The following PCCA variants were observed in gnomAD, a reference collection of about 807,000 sequenced individuals.
The protein encoded by PCCA is propionyl-CoA carboxylase alpha chain, mitochondrial.
A neutral mutation model predicts 101.3 loss-of-function variants in PCCA; 74 were observed. The observed-to-expected ratio is 0.73, with a 90% confidence interval of 0.61 to 0.89. PCCA has a LOEUF of 0.89. Ranked by LOEUF, PCCA falls within the 40% of genes least tolerant of loss-of-function variation. The pLI, the probability that PCCA is intolerant of heterozygous loss-of-function variation, is 0.00. For missense variants in PCCA, 891 were observed against 907.0 expected (o/e 0.98, Z 0.23); for synonymous variants, 294 against 313.6 (o/e 0.94, Z 0.66).
chr13:100,509,992 G>T (rs1336229949), intron 21 of PCCA, among the ~76,000 whole-genome samples: 2 of 152,158 alleles, frequency 1.3e-5, no homozygotes, highest in Non-Finnish European at 2.9e-5. Flanking sequence ...CAGATGAGGA[G>T]CTCTGACTAT....
intron 18 of PCCA, among the ~76,000 whole-genome samples, chr13:100,348,787 T>TTCCTTCCTTCCTTCCTTCCTTC (rs2072771494): frequency 1.1e-4 from 5 of 46,648 alleles, no homozygotes; most frequent in Non-Finnish European, 2.2e-4. Flanking sequence ...TTTCTTTCTT[T>TTCCTTCCTTCCTTCCTTCCTTC]CTTCCTTCCT....
chr13:100,387,035 G>A (rs2152835662), intron 19 of PCCA, among the ~76,000 whole-genome samples: 1 of 152,228 alleles, frequency 6.6e-6, no homozygotes, highest in Non-Finnish European at 1.5e-5. Context: ...GCAGTGACTT[G>A]GCCATCCGGG....
intron 2 of PCCA, among the ~76,000 whole-genome samples, chr13:100,110,509 C>T (rs1251146963): frequency 6.6e-6 from 1 of 152,168 alleles, no homozygotes. Context: ...TAGATAAACA[C>T]AGGATACACA....
Position 100,244,964 on chromosome 13 carries a change from T to TGC in PCCA, c.637+9089_637+9090dup, listed in dbSNP as rs1249563800. 2.9e-3 allele frequency among the ~76,000 whole-genome samples: 411 copies of TGC among 142,412 alleles called. 3 individuals carry two copies. Among genetic ancestry groups the TGC allele is most frequent in the African/African-American group, 9.6e-3 (378 of 39,238 alleles). The allele number at this position is 142,412 out of a possible 152,430, so 93.4% of individuals were successfully genotyped here. ...GTGTGTGTGTGTGTGTGTGTGTGTG[T>TGC]GCGCAGTAGTAGAGATGTGGATAAA... is the stretch of plus-strand genomic sequence containing the variant. On this transcript the variant is annotated intron_variant, in intron 8 of 23. Transcript: ENST00000376285.
At chr13:100,196,348 A>G (rs2058098429) in intron 6 of PCCA, among the ~76,000 whole-genome samples, 1 of 152,226 alleles carries the variant, frequency 6.6e-6, no homozygotes, top group East Asian at 1.9e-4. Context: ...AAAGTTTTCT[A>G]TTGCTGTAAT....
intron 18 of PCCA, among the ~76,000 whole-genome samples, chr13:100,341,973 A>ATATATGTATATATATATATATATATATG (rs1555426208): frequency 8.2e-6 from 1 of 121,870 alleles, no homozygotes; most frequent in Non-Finnish European, 1.7e-5. Context: ...ATATATATAT[A>ATATATGTATATATATATATATATATATG]TATATATATG....
chr13:100,392,780 G>A (rs1016956729), intron 19 of PCCA, among the ~76,000 whole-genome samples: 5 of 152,192 alleles, frequency 3.3e-5, no homozygotes, highest in Non-Finnish European at 4.4e-5. Flanking sequence ...AATCCATGTA[G>A]CGTTTTAATG....
At chr13:100,113,639 T>C (rs11840916) in intron 4 of PCCA, among the ~76,000 whole-genome samples, 68,306 of 149,870 alleles carry the variant, frequency 0.46, 16,362 homozygotes, top group East Asian at 0.7. Flanking sequence ...AGTGCAGTGG[T>C]GCAGTCTTGG....
chr13:100,511,388 T>C (rs886430997), intron 21 of PCCA, among the ~76,000 whole-genome samples: 19 of 152,194 alleles, frequency 1.2e-4, no homozygotes, highest in Admixed American at 9.8e-4. Context: ...TTGGAGACCT[T>C]TGGGGCCAGA....
chr13:100,452,189 C>T (rs922989984), intron 21 of PCCA, among the ~76,000 whole-genome samples: 3 of 147,020 alleles, frequency 2.0e-5, no homozygotes, highest in Non-Finnish European at 3.0e-5. Flanking sequence ...TCCTCTTTCT[C>T]GCTCCTCTTT....
chr13:100,293,566 T>A (rs2065296473), intron 12 of PCCA, among the ~76,000 whole-genome samples: 1 of 152,202 alleles, frequency 6.6e-6, no homozygotes, highest in South Asian at 2.1e-4. Flanking sequence ...ATAGAAAGAA[T>A]GAGGAGAAAT....
intron 2 of PCCA, among the ~76,000 whole-genome samples, chr13:100,103,494 T>A (rs1409658815): frequency 6.6e-6 from 1 of 151,628 alleles, no homozygotes; most frequent in African/African-American, 2.4e-5. Flanking sequence ...ATATTTTTAG[T>A]AGAGATGGGG....
At chr13:100,255,049 C>CA (rs2061987773) in intron 8 of PCCA, among the ~76,000 whole-genome samples, 1 of 152,104 alleles carries the variant, frequency 6.6e-6, no homozygotes, top group Non-Finnish European at 1.5e-5. Context: ...TCACACTCTG[C>CA]ACTCTAGCCT....
intron 19 of PCCA, among the ~76,000 whole-genome samples, chr13:100,385,527 A>G (rs1412809150): frequency 1.3e-5 from 2 of 152,366 alleles, no homozygotes; most frequent in Non-Finnish European, 2.9e-5. Context: ...GCTAAAAGCC[A>G]CACACACATT....
chr13:100,268,601 C>A, intron 10 of PCCA, 88 bp from the exon 11 acceptor site: 5 of 910,362 alleles, frequency 5.5e-6, no homozygotes, highest in Non-Finnish European at 5.6e-6. Context: ...ATATTAAAAA[C>A]CAAGAGATGT....
intron 19 of PCCA, among the ~76,000 whole-genome samples, chr13:100,405,721 G>C (rs1296492561): frequency 3.3e-5 from 5 of 151,358 alleles, no homozygotes; most frequent in African/African-American, 1.2e-4. Context: ...CTCCTTTTAA[G>C]GTCCCAAGCT....
At chr13:100,506,300 A>T (rs1019975756) in intron 21 of PCCA, among the ~76,000 whole-genome samples, 1 of 146,922 alleles carries the variant, frequency 6.8e-6, no homozygotes, top group African/African-American at 2.5e-5. Context: ...ATGTGTCAGA[A>T]CTGTAAACCC....
At chr13:100,339,699 A>C (rs1321792902) in intron 17 of PCCA, among the ~76,000 whole-genome samples, 1 of 152,152 alleles carries the variant, frequency 6.6e-6, no homozygotes, top group African/African-American at 2.4e-5. Context: ...GGATCTTCGC[A>C]CCAGAAAGCA....
chr13:100,208,156 C>T (rs1365199904), intron 6 of PCCA, among the ~76,000 whole-genome samples: 1 of 152,146 alleles, frequency 6.6e-6, no homozygotes, highest in Admixed American at 6.5e-5. Context: ...ATCATCTCGC[C>T]TCTTAAATAT....
Sources: allele counts gnomAD v4.1 joint callset (sites outside exome capture counted in the v4.1 genomes callset), GRCh38; gene constraint gnomAD v4.1.1; transcripts MANE v1.5; gene names NCBI Gene and HGNC (gene_info 2026-07-23, HGNC 2026-07-21).